Variants in UNC13B observed in about 807,000 individuals in gnomAD.
UNC13B encodes the protein protein unc-13 homolog B.
A neutral mutation model predicts 211.0 loss-of-function variants in UNC13B; 144 were observed. That is an observed-to-expected ratio of 0.68 (90% CI 0.60 to 0.78). The LOEUF is 0.78. Among genes scored for constraint, UNC13B ranks in the 30% least tolerant of loss-of-function variants. The probability of loss-of-function intolerance (pLI) is 0.00; values close to 1 mark genes in which losing one functional copy is unlikely to be tolerated. For missense variants in UNC13B, 1,777 were observed against 2,002.0 expected (o/e 0.89, Z 2.14); for synonymous variants, 709 against 725.8 (o/e 0.98, Z 0.37).
At chr9:35,349,686 G>A (rs1424767257) in intron 11 of UNC13B, among the ~76,000 whole-genome samples, 1 of 152,198 alleles carries the variant, frequency 6.6e-6, no homozygotes, top group African/African-American at 2.4e-5. Context: ...TGTGAAATGG[G>A]AATACATGCA....
At chr9:35,316,268 C>T (rs1157852334) in intron 11 of UNC13B, among the ~76,000 whole-genome samples, 1 of 152,088 alleles carries the variant, frequency 6.6e-6, no homozygotes. Flanking sequence ...TCCCTTTTCT[C>T]TCATTAATTT....
intron 11 of UNC13B, among the ~76,000 whole-genome samples, chr9:35,358,780 G>A (rs1365164181): frequency 6.3e-5 from 9 of 143,926 alleles, no homozygotes; most frequent in African/African-American, 1.0e-4. Context: ...AGCAACCTCC[G>A]CCTCCTGAGT....
Position 35,301,155 on chromosome 9 carries a change from C to A in UNC13B, c.1751C>A (p.Pro584His), listed in dbSNP as rs1829661471. 2.5e-6 allele frequency: 1 copy of A among 398,742 alleles called. No homozygotes were observed. The highest frequency in any genetic ancestry group is 3.6e-5 in the East Asian group (1 of 28,052). 24.7% of individuals were successfully genotyped at this position (398,742 alleles called of 1,614,324 possible). The change falls in exon 9 of 40, where the codon CCC becomes CAC. Residue 584 changes from proline to histidine, a missense_variant. Physicochemically the swap from Pro to His is moderately conservative, Grantham distance 77. Coordinates refer to ENST00000635942, the MANE Select transcript of UNC13B (RefSeq NM_001371189.2). Reference protein sequence around the residue: ...QIEAINLGSKPRAMAVLGKDL... With the variant: ...QIEAINLGSKHRAMAVLGKDL... ...GAGGCAATTAATTTGGGATCTAAACCCAGAGCCATGGCAGTATTGGGGAAG... is the reference window on the plus strand; with the variant it reads ...GAGGCAATTAATTTGGGATCTAAACACAGAGCCATGGCAGTATTGGGGAAG...
chr9:35,219,130 G>A (rs1824429129), intron 1 of UNC13B, among the ~76,000 whole-genome samples: 1 of 152,182 alleles, frequency 6.6e-6, no homozygotes, highest in South Asian at 2.1e-4. Context: ...TTTCTTCATG[G>A]TTAAATTTAA....
chr9:35,403,704 G>C (rs1191657419), intron 39 of UNC13B, 44 bp from the exon 40 acceptor site: 3 of 1,608,872 alleles, frequency 1.9e-6, no homozygotes, highest in Non-Finnish European at 2.6e-6. Context: ...GAAATCAGCT[G>C]AAGACTCAAC....
At chr9:35,341,638 G>A (rs185751271) in intron 11 of UNC13B, among the ~76,000 whole-genome samples, 23 of 152,252 alleles carry the variant, frequency 1.5e-4, no homozygotes, top group Non-Finnish European at 2.5e-4. Flanking sequence ...AAGAAAGCAG[G>A]GAGGAGAAGA....
chr9:35,249,291 AG>A (rs1826307741), intron 6 of UNC13B, among the ~76,000 whole-genome samples: 1 of 151,860 alleles, frequency 6.6e-6, no homozygotes, highest in Admixed American at 6.6e-5. Flanking sequence ...CACATTGATG[AG>A]TCTTGACTCT....
At chr9:35,202,126 G>A (rs928635608) in intron 1 of UNC13B, among the ~76,000 whole-genome samples, 1 of 152,168 alleles carries the variant, frequency 6.6e-6, no homozygotes, top group African/African-American at 2.4e-5. Flanking sequence ...AGGTTGTTGA[G>A]TTTCCATGTA....
chr9:35,315,980 A>ATGTCAGCCTTGATGACTTGGT (rs1381841102), intron 11 of UNC13B, among the ~76,000 whole-genome samples: 2 of 152,176 alleles, frequency 1.3e-5, no homozygotes, highest in Non-Finnish European at 2.9e-5. Flanking sequence ...ACCATTTATA[A>ATGTCAGCCTTGATGACTTGGT]TGTCAGCCTT....
rs568223883 is a variant in UNC13B at position 35,303,997 on chromosome 9, T to C, written c.4593T>C (p.Tyr1531=). 1.3e-4 allele frequency: 50 copies of C among 398,766 alleles called. No individual in the cohort carries two copies. In the Middle Eastern group the frequency reaches 1.9e-3, roughly 15 times the overall value. 24.7% of individuals were successfully genotyped at this position (398,766 alleles called of 1,614,324 possible). A position where few individuals can be genotyped will look rare whatever the true frequency, so the allele number is the denominator to read the frequency against. The part of the protein sequence containing the change: ...WWPSEDGDYG[Y]YMFHDGQYIY... ...CATCAGAGGATGGGGATTATGGATA[T>C]TATATGTTTCATGATGGTCAATATA... The change falls in exon 9 of 40, where the codon TAT becomes TAC. Residue 1531 remains tyrosine, a synonymous_variant. Transcript: ENST00000635942.
chr9:35,242,209 A>T (rs1248730011), intron 5 of UNC13B, among the ~76,000 whole-genome samples: 1 of 152,236 alleles, frequency 6.6e-6, no homozygotes, highest in Non-Finnish European at 1.5e-5. Flanking sequence ...AGACTCACTT[A>T]ACAAATATTT....
chr9:35,367,970 C>T (rs1193776140), intron 12 of UNC13B, among the ~76,000 whole-genome samples: 9 of 152,144 alleles, frequency 5.9e-5, no homozygotes, highest in Non-Finnish European at 1.2e-4. Flanking sequence ...TAGTTGCTTC[C>T]TCTTGTGGCC....
At chr9:35,389,501 A>T (rs1835389992) in intron 24 of UNC13B, among the ~76,000 whole-genome samples, 1 of 152,124 alleles carries the variant, frequency 6.6e-6, no homozygotes, top group Non-Finnish European at 1.5e-5. Context: ...ATAGAAGTAG[A>T]CCTATTTAGT....
At chr9:35,401,491 T>C (rs1836297531) in intron 37 of UNC13B, among the ~76,000 whole-genome samples, 1 of 152,144 alleles carries the variant, frequency 6.6e-6, no homozygotes, top group Non-Finnish European at 1.5e-5. Flanking sequence ...TCTGAGTTAA[T>C]CCAGAAAGGC....
At chr9:35,300,037 T>A (rs1280376822) in intron 8 of UNC13B, 129 bp from the exon 9 acceptor site, 1 of 396,468 alleles carries the variant, frequency 2.5e-6, no homozygotes, top group African/African-American at 2.1e-5. Context: ...TTAGAACCCT[T>A]TCAAAAGCTG....
chr9:35,351,201 GATA>G (rs751385659), intron 11 of UNC13B: 9 of 750,976 alleles, frequency 1.2e-5, no homozygotes, highest in Non-Finnish European at 1.5e-5. Context: ...AATCTTAGGA[GATA>G]ATGTTTTTAT....
At chr9:35,319,160 T>C (rs1313487545) in intron 11 of UNC13B, among the ~76,000 whole-genome samples, 2 of 152,068 alleles carry the variant, frequency 1.3e-5, no homozygotes, top group African/African-American at 2.4e-5. Context: ...TACAGAGGGC[T>C]GAGTGCAGTG....
At chr9:35,185,312 C>T (rs1822298942) in intron 1 of UNC13B, among the ~76,000 whole-genome samples, 1 of 152,206 alleles carries the variant, frequency 6.6e-6, no homozygotes. Context: ...GGTGTGGCCA[C>T]ATTGTTGCCT....
chr9:35,403,610 G>T lies in UNC13B; in HGVS notation c.12737+11G>T. On this transcript the variant is annotated intron_variant, in intron 39 of 39. Transcript: ENST00000635942. The stretch of plus-strand genomic sequence containing the variant: ...TGAGACATTCCACTTGTAAGTTACG[G>T]GGGGGACATACAGGACTCTGGGATG... 1 of 1,610,386 alleles carries T rather than the reference G, an allele frequency of 6.2e-7. No individual in the cohort carries two copies. Among genetic ancestry groups the T allele is most frequent in the Non-Finnish European group, 8.5e-7 (1 of 1,178,514 alleles).
Sources: gnomAD v4.1 joint callset for allele counts (sites outside exome capture counted in the v4.1 genomes callset) on GRCh38, gnomAD v4.1.1 for gene constraint, MANE v1.5 for transcripts, NCBI Gene and HGNC (gene_info 2026-07-23, HGNC 2026-07-21) for gene names.